EPHA4: variants seen among roughly 807,000 people sequenced by gnomAD.
EPHA4 encodes EPH receptor A4.
Under a neutral mutation model 108.3 loss-of-function variants are expected in EPHA4, and 19 were observed. The ratio of observed to expected loss-of-function variants is 0.18; its 90% CI spans 0.12 to 0.26. The LOEUF is 0.26. EPHA4 is among the 10% of genes least tolerant of loss of function. The probability of loss-of-function intolerance (pLI) is 1.00; values close to 1 mark genes in which losing one functional copy is unlikely to be tolerated. For missense variants in EPHA4, 917 were observed against 1,254.0 expected (o/e 0.73, Z 4.06); for synonymous variants, 449 against 455.5 (o/e 0.99, Z 0.18).
chr2:221,524,089 AC>A (rs537389683), intron 3 of EPHA4, among the ~76,000 whole-genome samples: 5 of 152,216 alleles, frequency 3.3e-5, no homozygotes, highest in Non-Finnish European at 5.9e-5. Flanking sequence ...AAACTGAGGC[AC>A]CCAAATCATG....
intron 17 of EPHA4, among the ~76,000 whole-genome samples, chr2:221,424,654 G>A (rs749185709): frequency 6.6e-6 from 1 of 152,170 alleles, no homozygotes; most frequent in Non-Finnish European, 1.5e-5. Flanking sequence ...AGAAAGCCGA[G>A]GCGAGTTCCA....
intron 3 of EPHA4, among the ~76,000 whole-genome samples, chr2:221,544,335 C>T (rs1574649126): frequency 6.6e-6 from 1 of 151,828 alleles, no homozygotes; most frequent in Non-Finnish European, 1.5e-5. Flanking sequence ...TATTTATTTA[C>T]TTTTTTTTGA....
intron 14 of EPHA4, among the ~76,000 whole-genome samples, chr2:221,433,287 A>T (rs1690138172): frequency 6.6e-6 from 1 of 152,196 alleles, no homozygotes; most frequent in Admixed American, 6.5e-5. Flanking sequence ...GAAGTTTCCA[A>T]AATATAATTA....
upstream of EPHA4, chr2:221,573,771 A>G (rs1227256094): frequency 6.6e-6 from 1 of 152,044 alleles, no homozygotes; most frequent in Admixed American, 6.5e-5. This position sits in a 1 kb window ranked among gnomAD's most constrained non-coding sequence, Gnocchi z 4.5. Flanking sequence ...GCAATCCGCA[A>G]CCCCGCAGAG....
rs112300657 is a variant in EPHA4, at chr2:221,419,421, T to A, written c.*1951A>T. 32 of 152,738 alleles carry A rather than the reference T, an allele frequency of 2.1e-4. 1 individual carries two copies. Among genetic ancestry groups the A allele is most frequent in the African/African-American group, 7.2e-4 (30 of 41,564 alleles). The allele number at this position is 152,738 out of a possible 1,614,324, so 9.5% of individuals were successfully genotyped here. ...CAAAGTATTAATCCAGGACACACCA[T>A]CTCAAAGCTGACACACATATCTACG... On this transcript the variant is annotated 3_prime_UTR_variant, in exon 18 of 18. Transcript: ENST00000281821.
chr2:221,560,934 C>G (rs966507743), intron 3 of EPHA4, among the ~76,000 whole-genome samples: 1 of 152,130 alleles, frequency 6.6e-6, no homozygotes, highest in African/African-American at 2.4e-5. Flanking sequence ...TTTAGAGTCT[C>G]AAGTCATCTT....
At chr2:221,490,557 C>T (rs956611340) in intron 4 of EPHA4, among the ~76,000 whole-genome samples, 1 of 152,164 alleles carries the variant, frequency 6.6e-6, no homozygotes, top group Non-Finnish European at 1.5e-5. Context: ...GGCAACCAGT[C>T]CAACACATAT....
At chr2:221,521,571 G>A (rs566806738) in intron 3 of EPHA4, among the ~76,000 whole-genome samples, 25 of 152,252 alleles carry the variant, frequency 1.6e-4, no homozygotes, top group African/African-American at 2.9e-4. Context: ...TGCCAAAAGC[G>A]TAAGTGTCAC....
rs747722888 is a variant in EPHA4, at chr2:221,511,456, G to GTTTCTGTACCTCACTTCCGA, written c.824-10304_824-10285dup. 8.7e-4 allele frequency among the ~76,000 whole-genome samples: 125 copies of GTTTCTGTACCTCACTTCCGA among 143,940 alleles called. 2 individuals carry two copies. Among genetic ancestry groups the GTTTCTGTACCTCACTTCCGA allele is most frequent in the African/African-American group, 1.8e-3 (75 of 40,778 alleles). The allele number at this position is 143,940 out of a possible 152,430, so 94.4% of individuals were successfully genotyped here. A position where few individuals can be genotyped will look rare whatever the true frequency, so the allele number is the denominator to read the frequency against. ...ACACCAACCTGTAACCAATCCAGCT[G>GTTTCTGTACCTCACTTCCGA]TTTCTGTACCTCACTTCCGATTTCT... On this transcript the variant is annotated intron_variant, in intron 3 of 17. Coordinates refer to ENST00000281821, the MANE Select transcript of EPHA4 (RefSeq NM_004438.5).
At chr2:221,569,866 A>C (rs1694774961) in intron 1 of EPHA4, among the ~76,000 whole-genome samples, 4 of 152,106 alleles carry the variant, frequency 2.6e-5, no homozygotes, top group African/African-American at 9.7e-5. Context: ...AAGTCAATGG[A>C]GTTAAAAATC....
intron 5 of EPHA4, 107 bp from the exon 6 acceptor site, chr2:221,458,097 G>T: frequency 7.2e-7 from 1 of 1,390,540 alleles, no homozygotes; most frequent in Non-Finnish European, 9.7e-7. Flanking sequence ...GTGAAAGATT[G>T]TCTTGTCTCC....
chr2:221,477,506 C>T (rs1691692928), intron 5 of EPHA4, among the ~76,000 whole-genome samples: 1 of 152,174 alleles, frequency 6.6e-6, no homozygotes, highest in African/African-American at 2.4e-5. Flanking sequence ...CTTCTACCCA[C>T]TAGATGCAAC....
chr2:221,467,766 G>A (rs778172615), intron 5 of EPHA4, among the ~76,000 whole-genome samples: 8 of 152,180 alleles, frequency 5.3e-5, no homozygotes, highest in Non-Finnish European at 7.3e-5. Context: ...CCTGTGTTTC[G>A]TCTGGGAGCT....
At chr2:221,518,128 G>C (rs1693044323) in intron 3 of EPHA4, among the ~76,000 whole-genome samples, 1 of 152,144 alleles carries the variant, frequency 6.6e-6, no homozygotes, top group Non-Finnish European at 1.5e-5. Flanking sequence ...CAGAAAATAG[G>C]TAGCTGGTTT....
chr2:221,522,478 C>T lies in EPHA4; in HGVS notation c.824-21306G>A, dbSNP rs374033865. Among the ~76,000 whole-genome samples the T allele has an allele frequency of 2.8e-4, 43 of 152,208 alleles. 1 individual carries two copies. In the South Asian group the frequency reaches 7.7e-3, roughly 27 times the overall value. On this transcript the variant is annotated intron_variant, in intron 3 of 17. Transcript: ENST00000281821. ...CAATGACCAACCTATAAATGATATA[C>T]GGTAACAGATTCTTGACACGACACC...
intron 16 of EPHA4, 35 bp from the exon 17 acceptor site, chr2:221,426,177 G>A: frequency 6.4e-7 from 1 of 1,570,608 alleles, no homozygotes; most frequent in Non-Finnish European, 8.8e-7. Context: ...GACAGAAGAA[G>A]TCACAGGGAC....
intron 4 of EPHA4, among the ~76,000 whole-genome samples, chr2:221,497,359 G>A (rs1450153707): frequency 6.6e-6 from 1 of 152,206 alleles, no homozygotes; most frequent in Non-Finnish European, 1.5e-5. Flanking sequence ...GATCCGATCA[G>A]CAAGTTGATG....
In EPHA4 at chr2:221,571,255, T is replaced by TACACAC. The variant is rs34969368; in HGVS notation, c.91+897_91+902dup. On this transcript the variant is annotated intron_variant, in intron 1 of 17. Coordinates refer to ENST00000281821, the MANE Select transcript of EPHA4 (RefSeq NM_004438.5). This position sits in a 1 kb window ranked among gnomAD's most constrained non-coding sequence, Gnocchi z 6.3. ...CAGACATGCACACACACACCACACA[T>TACACAC]ACACACACACACACACACAGTTCGC... is the stretch of plus-strand genomic sequence containing the variant. Among the ~76,000 whole-genome samples, 3 of 142,636 alleles carry TACACAC rather than the reference T, an allele frequency of 2.1e-5. No individual in the cohort carries two copies. The highest frequency in any genetic ancestry group is 3.1e-5 in the Non-Finnish European group (2 of 64,870). The allele number at this position is 142,636 out of a possible 152,430, so 93.6% of individuals were successfully genotyped here.
intron 3 of EPHA4, among the ~76,000 whole-genome samples, chr2:221,556,367 G>C (rs894325659): frequency 1.3e-5 from 2 of 152,006 alleles, no homozygotes; most frequent in African/African-American, 4.8e-5. Flanking sequence ...TGAGATCTTG[G>C]TTCAATACAA....
Sources: gnomAD v4.1 joint callset for allele counts (sites outside exome capture counted in the v4.1 genomes callset) on GRCh38, gnomAD v4.1.1 for gene constraint, Gnocchi (gnomAD v3.1) non-coding constraint, MANE v1.5 for transcripts, NCBI Gene and HGNC (gene_info 2026-07-23, HGNC 2026-07-21) for gene names.